The following GPAT3 variants were observed in gnomAD, a reference collection of about 807,000 sequenced individuals.
GPAT3 encodes the protein 1-AGP acyltransferase 9.
In GPAT3, 53 loss-of-function variants were observed where a neutral mutation model predicts 58.8. The observed-to-expected ratio is 0.90, with a 90% CI of 0.72 to 1.13. The LOEUF (loss-of-function observed/expected upper bound fraction) is 1.13. Ranked by LOEUF, GPAT3 falls within the 50% of genes most tolerant of loss-of-function variation. The pLI, the probability that GPAT3 is intolerant of heterozygous loss-of-function variation, is 0.00. For synonymous variants in GPAT3, 197 were observed against 187.4 expected, an observed-to-expected ratio of 1.05 and a Z score of -0.42; for missense variants, 511 against 527.6, an observed-to-expected ratio of 0.97 and a Z score of 0.31.
intron 2 of GPAT3, among the ~76,000 whole-genome samples, chr4:83,579,875 AT>A (rs1367160252): frequency 6.6e-6 from 1 of 152,214 alleles, no homozygotes; most frequent in Non-Finnish European, 1.5e-5. Context: ...TAATACACGT[AT>A]AACTCTTTCC....
intron 2 of GPAT3, among the ~76,000 whole-genome samples, chr4:83,571,772 A>G (rs1725619879): frequency 6.6e-6 from 1 of 151,132 alleles, no homozygotes; most frequent in African/African-American, 2.4e-5. Context: ...ACACATATAT[A>G]GTTTTGTTGT....
chr4:83,602,528 G>A (rs1318695926), intron 11 of GPAT3, among the ~76,000 whole-genome samples: 1 of 149,762 alleles, frequency 6.7e-6, no homozygotes, highest in African/African-American at 2.4e-5. Flanking sequence ...ATCTTAAACT[G>A]GCTTTTATAT....
In GPAT3 at chr4:83,590,186, T is replaced by G; in HGVS notation, c.645-13T>G. ...TTAGAAGACTTCGAATTTTCCATTG[T>G]TTGTAATTGCAGGCAGTACAGACCC... On this transcript the variant is annotated splice_polypyrimidine_tract_variant and intron_variant, in intron 5 of 11. Transcript: ENST00000264409. 6.2e-7 allele frequency: 1 copy of G among 1,608,338 alleles called. No homozygotes were observed. The highest frequency in any genetic ancestry group is 8.5e-7 in the Non-Finnish European group (1 of 1,177,182).
At chr4:83,537,283 T>G (rs1387240853) in intron 1 of GPAT3, among the ~76,000 whole-genome samples, 1 of 152,172 alleles carries the variant, frequency 6.6e-6, no homozygotes, top group Non-Finnish European at 1.5e-5. Flanking sequence ...TCATGGAAAT[T>G]TTATCTAACC....
At chr4:83,556,574 G>A (rs1578169025) in intron 2 of GPAT3, among the ~76,000 whole-genome samples, 2 of 147,106 alleles carry the variant, frequency 1.4e-5, no homozygotes, top group Admixed American at 1.4e-4. Flanking sequence ...TTTTTTTTCA[G>A]TGCTAACTGA....
At position 83,536,375 on chromosome 4, in the gene GPAT3, G is replaced by T; in HGVS notation, c.-248G>T. ...ACCCAGGTCTCCGCACGCCGCGGTGGCTTCAGCCCAGACCTGGGCAGCCAG... is the reference window on the plus strand; with the variant it reads ...ACCCAGGTCTCCGCACGCCGCGGTGTCTTCAGCCCAGACCTGGGCAGCCAG... On this transcript the variant is annotated 5_prime_UTR_variant, in exon 1 of 12. Coordinates refer to ENST00000264409, the MANE Select transcript of GPAT3 (RefSeq NM_032717.5). The T allele has an allele frequency of 3.2e-6, 4 of 1,239,346 alleles. No individual in the cohort carries two copies. The highest frequency in any genetic ancestry group is 4.0e-6 in the Non-Finnish European group (4 of 988,026). The allele number at this position is 1,239,346 out of a possible 1,614,324, so 76.8% of individuals were successfully genotyped here.
At chr4:83,564,689 ACT>A (rs1188788787) in intron 2 of GPAT3, among the ~76,000 whole-genome samples, 1 of 151,332 alleles carries the variant, frequency 6.6e-6, no homozygotes, top group Non-Finnish European at 1.5e-5. Context: ...ACAGAGCAAG[ACT>A]CTGTCACAAA....
chr4:83,580,840 T>C (rs562479896), intron 2 of GPAT3, among the ~76,000 whole-genome samples: 4 of 152,186 alleles, frequency 2.6e-5, no homozygotes, highest in Non-Finnish European at 5.9e-5. Context: ...CTCACGCCTG[T>C]AATCCCAGCA....
intron 2 of GPAT3, among the ~76,000 whole-genome samples, chr4:83,563,914 T>C (rs931389370): frequency 5.3e-5 from 8 of 152,240 alleles, no homozygotes; most frequent in Admixed American, 5.2e-4. Context: ...TTTCTTCTTT[T>C]TTAAGAGTTG....
At chr4:83,549,376 G>A (rs1724660844) in intron 2 of GPAT3, among the ~76,000 whole-genome samples, 2 of 151,668 alleles carry the variant, frequency 1.3e-5, no homozygotes, top group African/African-American at 4.8e-5. Context: ...CTAGCTACTT[G>A]TAGAGAGCAA....
At chr4:83,594,993 G>A in intron 7 of GPAT3, 33 bp downstream of exon 7, 1 of 1,588,824 alleles carries the variant, frequency 6.3e-7, no homozygotes, top group Non-Finnish European at 8.6e-7. Flanking sequence ...ATTCACTGGA[G>A]TAGCATAAAA....
intron 2 of GPAT3, among the ~76,000 whole-genome samples, chr4:83,549,166 G>GA (rs36115990): frequency 7.7e-4 from 98 of 128,024 alleles, no homozygotes; most frequent in Non-Finnish European, 8.1e-4. Flanking sequence ...AGACCCATCT[G>GA]AAAAAAAAAA....
chr4:83,568,582 A>G (rs1437779217), intron 2 of GPAT3, among the ~76,000 whole-genome samples: 1 of 150,238 alleles, frequency 6.7e-6, no homozygotes, highest in Non-Finnish European at 1.5e-5. Context: ...ATCTAGGCTC[A>G]TTGCAAGCTC....
chr4:83,536,614 C>G lies in GPAT3; in HGVS notation c.-9C>G. 1 of 1,610,908 alleles carries G rather than the reference C, an allele frequency of 6.2e-7. No homozygotes were observed. The highest frequency in any genetic ancestry group is 8.5e-7 in the Non-Finnish European group (1 of 1,179,236). The stretch of plus-strand genomic sequence containing the variant: ...ACTGCGGACCTCTCCTGAGTGGGTG[C>G]GCCGAGTCATGGAGGGCGCAGAGCT... On this transcript the variant is annotated 5_prime_UTR_variant, in exon 1 of 12. Coordinates refer to ENST00000264409, the MANE Select transcript of GPAT3 (RefSeq NM_032717.5).
rs1345702208 is a variant in GPAT3, at chr4:83,565,063, A to C, written c.209-16499A>C. On this transcript the variant is annotated intron_variant, in intron 2 of 11. Transcript: ENST00000264409. The stretch of plus-strand genomic sequence containing the variant: ...ACCAACTGATTTGAGACGCATCTTC[A>C]ATAATTTCCAGAATTCCATTATATG... Among the ~76,000 whole-genome samples the C allele has an allele frequency of 1.1e-4, 16 of 151,884 alleles. No individual in the cohort carries two copies. In the South Asian group the frequency reaches 2.7e-3, roughly 26 times the overall value.
rs147637907 is a variant in GPAT3, at chr4:83,585,852, G to A, written c.480-1403G>A. Among the ~76,000 whole-genome samples the A allele has an allele frequency of 6.1e-3, 926 of 152,292 alleles. 5 individuals carry two copies. The highest frequency in any genetic ancestry group is 0.024 in the Middle Eastern group (7 of 294). ...TCCACTCGCCTGGGCCTCCCAAACT[G>A]CTGGGATTGTAGCCGTGAGACACTG... On this transcript the variant is annotated intron_variant, in intron 3 of 11. Transcript: ENST00000264409.
At chr4:83,559,018 T>G (rs1232820724) in intron 2 of GPAT3, among the ~76,000 whole-genome samples, 1 of 152,198 alleles carries the variant, frequency 6.6e-6, no homozygotes, top group Non-Finnish European at 1.5e-5. Context: ...AAAAGAATTA[T>G]ATTGTATATA....
At chr4:83,544,906 G>A (rs1037192198) in intron 2 of GPAT3, among the ~76,000 whole-genome samples, 1 of 151,480 alleles carries the variant, frequency 6.6e-6, no homozygotes, top group East Asian at 1.9e-4. Context: ...AAAAAAAAAA[G>A]AAAGAAAAAG....
chr4:83,536,797 C>G, intron 1 of GPAT3, 34 bp downstream of exon 1: 1 of 1,573,906 alleles, frequency 6.4e-7, no homozygotes, highest in Non-Finnish European at 8.6e-7. Context: ...CAGCCCCACA[C>G]CGCTGCGGGC....
Sources: allele counts gnomAD v4.1 joint callset (sites outside exome capture counted in the v4.1 genomes callset), GRCh38; gene constraint gnomAD v4.1.1; transcripts MANE v1.5; gene names NCBI Gene and HGNC (gene_info 2026-07-23, HGNC 2026-07-21).